CCDC59: variants seen among roughly 807,000 people sequenced by gnomAD.
The protein encoded by CCDC59 is thyroid transcription factor 1-associated protein 26.
A neutral mutation model predicts 30.5 loss-of-function variants in CCDC59; 27 were observed. That is an observed-to-expected ratio of 0.89 (90% confidence interval 0.65 to 1.22). The LOEUF is 1.22. Ranked by LOEUF, CCDC59 falls within the 50% of genes most tolerant of loss-of-function variation. The pLI is 0.00. For synonymous variants in CCDC59, 125 were observed against 100.9 expected (o/e 1.24, Z -1.43); for missense variants, 362 against 284.4 (o/e 1.27, Z -1.96).
intron 1 of CCDC59, 189 bp from the exon 2 acceptor site, chr12:82,357,458 G>T: frequency 1.7e-6 from 1 of 583,374 alleles, no homozygotes; most frequent in South Asian, 2.1e-5. Flanking sequence ...TTGGCCCTTT[G>T]CAAAAAGACC....
rs930478748 is a variant in CCDC59, at chr12:82,352,395, G to A, written c.*756C>T. 4 of 152,210 alleles carry A rather than the reference G, an allele frequency of 2.6e-5. No individual in the cohort carries two copies. The highest frequency in any genetic ancestry group is 9.7e-5 in the African/African-American group (4 of 41,448). 9.4% of individuals were successfully genotyped at this position (152,210 alleles called of 1,614,324 possible). On this transcript the variant is annotated 3_prime_UTR_variant, in exon 4 of 4. Transcript: ENST00000256151. ...TACAATGACTATATATATATTTCAA[G>A]CCTTTCTCATTCTTCTGCAATTTGC...
rs559939268 is a variant in CCDC59 at position 82,357,157 on chromosome 12, G to A, written c.267C>T (p.Tyr89=). ...AATAGAGATGTTTCAGATTATCTGG[G>A]TATCGATCTGTGAATTGAGATTCCA... ...TSLESQFTDR[Y]PDNLKHLYLA... Residue 89 remains tyrosine (Y), a synonymous_variant, in exon 2 of 4, where the codon TAC becomes TAT. Coordinates refer to ENST00000256151, the MANE Select transcript of CCDC59 (RefSeq NM_014167.5). 1 of 1,613,978 alleles carries A rather than the reference G, an allele frequency of 6.2e-7. No homozygotes were observed. The highest frequency in any genetic ancestry group is 1.7e-5 in the Admixed American group (1 of 60,020).
intron 2 of CCDC59, chr12:82,355,426 T>A (rs954009822): frequency 6.6e-6 from 1 of 152,188 alleles, no homozygotes; most frequent in African/African-American, 2.4e-5. Context: ...TAAAAGTTCT[T>A]GACTTAATAA....
At chr12:82,358,625 G>A, upstream of CCDC59, 4 of 1,613,970 alleles carry the variant, frequency 2.5e-6, no homozygotes, top group Non-Finnish European at 3.4e-6. Flanking sequence ...GTGCCAAGTT[G>A]CAGGGACTGC....
intron 3 of CCDC59, 77 bp downstream of exon 3, chr12:82,354,415 CAAG>C: frequency 9.2e-7 from 1 of 1,085,186 alleles, no homozygotes; most frequent in Admixed American, 3.1e-5. Context: ...TGCCCAGCAC[CAAG>C]AAGCACAACA....
chr12:82,356,389 T>C (rs200242811), intron 2 of CCDC59, among the ~76,000 whole-genome samples: 1 of 152,204 alleles, frequency 6.6e-6, no homozygotes, highest in Non-Finnish European at 1.5e-5. Flanking sequence ...CCCTTTAAGA[T>C]CCTCATATAC....
At chr12:82,357,531 G>A (rs965053548) in intron 1 of CCDC59, among the ~76,000 whole-genome samples, 2 of 152,160 alleles carry the variant, frequency 1.3e-5, no homozygotes, top group African/African-American at 4.8e-5. Flanking sequence ...AGTTCAGACT[G>A]TTGCACAACT....
At chr12:82,353,368 G>T in intron 3 of CCDC59, 56 bp from the exon 4 acceptor site, 1 of 1,397,544 alleles carries the variant, frequency 7.2e-7, no homozygotes, top group Non-Finnish European at 9.8e-7. Context: ...ATACAGTTCA[G>T]AAATTGTCTT....
Position 82,353,284 on chromosome 12 carries a change from T to C in CCDC59, c.593A>G (p.Glu198Gly), listed in dbSNP as rs148070624. ...CTTTTTGTACTGCCTTTGGGCTTCT[T>C]CTCTCTCCTGTTTTCTCCTCTCGAA... ...QEFERRKQER[E>G]EAQRQYKKKK... Residue 198 changes from glutamate to glycine, a missense_variant, in exon 4 of 4, where the codon GAA becomes GGA. Physicochemically the swap from Glu to Gly is moderately conservative, Grantham distance 98 (BLOSUM62 -2). Transcript: ENST00000256151. 296 of 1,606,622 alleles carry C rather than the reference T, an allele frequency of 1.8e-4. No homozygotes were observed. The highest frequency in any genetic ancestry group is 5.0e-4 in the Middle Eastern group (3 of 6,000).
chr12:82,356,734 C>T (rs1310445894), intron 2 of CCDC59: 2 of 386,884 alleles, frequency 5.2e-6, no homozygotes, highest in Admixed American at 4.0e-5. Context: ...AACCCAAATT[C>T]CAGAGCTCTT....
intron 3 of CCDC59, among the ~76,000 whole-genome samples, chr12:82,354,004 A>G (rs767579112): frequency 8.6e-6 from 1 of 116,580 alleles, no homozygotes; most frequent in Non-Finnish European, 1.8e-5. Flanking sequence ...ACTTTTGCTA[A>G]GCTAAAATAA....
intron 1 of CCDC59, 40 bp downstream of exon 1, chr12:82,358,183 G>T: frequency 6.2e-7 from 1 of 1,612,314 alleles, no homozygotes; most frequent in Non-Finnish European, 8.5e-7. Flanking sequence ...CTAAAACTTA[G>T]CAAGCCTGAG....
intron 3 of CCDC59, 128 bp downstream of exon 3, chr12:82,354,367 T>G (rs1043462363): frequency 1.8e-5 from 11 of 616,268 alleles, no homozygotes; most frequent in Non-Finnish European, 2.6e-5. Flanking sequence ...CTCAGACTAC[T>G]CATTCATTCA....
In CCDC59 at chr12:82,357,041, C is replaced by CA; in HGVS notation, c.382dup (p.Cys128LeufsTer2). On this transcript the variant is annotated frameshift_variant, in exon 2 of 4. Transcript: ENST00000256151. LOFTEE classifies it high-confidence loss of function. ...TTCAAATAAAGGCTCGTCAATGCTA[C>CA]ACTGTTCTTCAAGCAACGGCTGGTG... is the stretch of plus-strand genomic sequence containing the variant. 6.2e-7 allele frequency: 1 copy of CA among 1,614,180 alleles called. No individual in the cohort carries two copies. Among genetic ancestry groups the CA allele is most frequent in the Non-Finnish European group, 8.5e-7 (1 of 1,180,018 alleles).
intron 2 of CCDC59, chr12:82,356,036 AC>A (rs1230442461): frequency 1.3e-5 from 2 of 152,104 alleles, no homozygotes; most frequent in Non-Finnish European, 1.5e-5. Context: ...AAAGTAGTAA[AC>A]TTTTTGTGTC....
At chr12:82,356,905 T>C in intron 2 of CCDC59, 55 bp downstream of exon 2, 2 of 1,330,142 alleles carry the variant, frequency 1.5e-6, no homozygotes, top group African/African-American at 1.5e-5. Context: ...TATCCTATAG[T>C]ACTTTTAAAT....
intron 3 of CCDC59, among the ~76,000 whole-genome samples, chr12:82,353,648 A>T (rs1414538183): frequency 6.6e-6 from 1 of 152,144 alleles, no homozygotes; most frequent in East Asian, 1.9e-4. Flanking sequence ...AAAAAGCATA[A>T]AGCTGTGCTA....
upstream of CCDC59, chr12:82,358,702 T>C: frequency 6.2e-7 from 1 of 1,613,876 alleles, no homozygotes; most frequent in South Asian, 1.1e-5. Context: ...ACAGAATCCG[T>C]GTGGGAGGAG....
chr12:82,356,615 A>G (rs1325905106), intron 2 of CCDC59, among the ~76,000 whole-genome samples: 1 of 152,180 alleles, frequency 6.6e-6, no homozygotes, highest in Non-Finnish European at 1.5e-5. Flanking sequence ...TGGCTCTAGA[A>G]CCCATACTGT....
Sources: allele counts gnomAD v4.1 joint callset (sites outside exome capture counted in the v4.1 genomes callset), GRCh38; gene constraint gnomAD v4.1.1; transcripts MANE v1.5; gene names NCBI Gene and HGNC (gene_info 2026-07-23, HGNC 2026-07-21).